Variants in NAALADL2 observed in about 807,000 individuals in gnomAD.
NAALADL2 encodes the protein inactive N-acetylated-alpha-linked acidic dipeptidase-like protein 2.
In NAALADL2, 76 loss-of-function variants were observed where a neutral mutation model predicts 87.2. The observed-to-expected ratio is 0.87, with a 90% CI of 0.72 to 1.05. The LOEUF (loss-of-function observed/expected upper bound fraction) is 1.05. Among genes scored for constraint, NAALADL2 ranks in the 50% least tolerant of loss-of-function variants. The pLI, the probability that NAALADL2 is intolerant of heterozygous loss-of-function variation, is 0.00. For synonymous variants in NAALADL2, 354 were observed against 331.0 expected (o/e 1.07, Z -0.75); for missense variants, 1,089 against 945.8 (o/e 1.15, Z -1.99).
intron 2 of NAALADL2, among the ~76,000 whole-genome samples, chr3:175,168,325 A>G (rs1382852380): frequency 6.6e-6 from 1 of 151,914 alleles, no homozygotes; most frequent in Non-Finnish European, 1.5e-5. Context: ...AAAATTTTAC[A>G]TATAGATAAC....
intron 1 of NAALADL2, among the ~76,000 whole-genome samples, chr3:175,007,676 T>G (rs1253565957): frequency 6.6e-6 from 1 of 152,190 alleles, no homozygotes; most frequent in East Asian, 1.9e-4. Context: ...CCCCAGTGGA[T>G]GCCTGAAACC....
intron 3 of NAALADL2, among the ~76,000 whole-genome samples, chr3:175,238,622 A>T (rs1054289351): frequency 2.0e-5 from 3 of 152,178 alleles, no homozygotes; most frequent in African/African-American, 7.2e-5. Flanking sequence ...ATAATTTTCA[A>T]AAGCAATTTC....
At chr3:174,902,957 A>ATTTATTTATTTATT (rs1414101174) in intron 1 of NAALADL2, among the ~76,000 whole-genome samples, 3 of 152,104 alleles carry the variant, frequency 2.0e-5, no homozygotes, top group Non-Finnish European at 2.9e-5. Context: ...GGAATAAATA[A>ATTTATTTATTTATT]ATAGTCTTAC....
At chr3:175,316,111 T>C (rs1230764326) in intron 4 of NAALADL2, among the ~76,000 whole-genome samples, 1 of 152,218 alleles carries the variant, frequency 6.6e-6, no homozygotes, top group African/African-American at 2.4e-5. Flanking sequence ...AGAAAAATTA[T>C]GTAAGTTGTC....
intron 13 of NAALADL2, among the ~76,000 whole-genome samples, chr3:175,786,791 C>G (rs943835420): frequency 2.0e-5 from 3 of 152,048 alleles, no homozygotes; most frequent in African/African-American, 7.3e-5. Context: ...AGGCGCTCTG[C>G]GTTTTAGAGT....
chr3:175,181,678 C>CATAT (rs140291952), intron 2 of NAALADL2, among the ~76,000 whole-genome samples: 1,758 of 51,966 alleles, frequency 0.034, 206 homozygotes, highest in Middle Eastern at 0.056. Flanking sequence ...ATTCCATTGG[C>CATAT]ATATATATAT....
intron 5 of NAALADL2, among the ~76,000 whole-genome samples, chr3:175,441,671 TCACACA>T (rs57990259): frequency 0.36 from 53,706 of 148,454 alleles, 11,095 homozygotes; most frequent in East Asian, 0.48. Flanking sequence ...GATCTCATGT[TCACACA>T]CACACACACA....
intron 1 of NAALADL2, among the ~76,000 whole-genome samples, chr3:175,009,972 G>T (rs1304079461): frequency 6.6e-6 from 1 of 152,020 alleles, no homozygotes; most frequent in Non-Finnish European, 1.5e-5. Context: ...TGCTTGCTAT[G>T]ATGTTTCTTG....
chr3:174,711,484 T>C (rs1313642450), intron 2 of NAALADL2, among the ~76,000 whole-genome samples: 1 of 152,234 alleles, frequency 6.6e-6, no homozygotes, highest in Non-Finnish European at 1.5e-5. Context: ...AGATTTTCTA[T>C]TTCCAGGAAA....
chr3:174,522,518 G>A (rs566690995), intron 1 of NAALADL2, among the ~76,000 whole-genome samples: 5 of 152,060 alleles, frequency 3.3e-5, no homozygotes, highest in Non-Finnish European at 7.4e-5. Flanking sequence ...AAATTACATG[G>A]GCATAGTGGT....
chr3:175,252,271 A>G (rs906997225), intron 3 of NAALADL2, among the ~76,000 whole-genome samples: 2 of 152,058 alleles, frequency 1.3e-5, no homozygotes, highest in African/African-American at 4.8e-5. Context: ...TCACATCTCT[A>G]TGTCACTTTT....
chr3:175,183,267 T>A (rs1309807412), intron 2 of NAALADL2, among the ~76,000 whole-genome samples: 1 of 151,848 alleles, frequency 6.6e-6, no homozygotes, highest in Non-Finnish European at 1.5e-5. Context: ...TTTGTAATTA[T>A]TGTAAATGGA....
intron 10 of NAALADL2, among the ~76,000 whole-genome samples, chr3:175,601,180 T>C (rs575985360): frequency 6.6e-6 from 1 of 152,210 alleles, no homozygotes; most frequent in Non-Finnish European, 1.5e-5. Flanking sequence ...GATGTTTACT[T>C]TGAAGCACAT....
intron 4 of NAALADL2, among the ~76,000 whole-genome samples, chr3:175,295,749 CCTCTCTCT>C (rs138960653): frequency 5.4e-5 from 7 of 128,708 alleles, no homozygotes; most frequent in African/African-American, 1.9e-4. Flanking sequence ...ACACACACTC[CCTCTCTCT>C]CTCTCTCAGC....
intron 3 of NAALADL2, among the ~76,000 whole-genome samples, chr3:174,790,963 T>A (rs977019367): frequency 6.6e-6 from 1 of 152,168 alleles, no homozygotes; most frequent in South Asian, 2.1e-4. Context: ...GTCTACATTT[T>A]GCGTTTTGGA....
intron 1 of NAALADL2, among the ~76,000 whole-genome samples, chr3:174,541,408 T>C (rs1298121960): frequency 6.6e-6 from 1 of 152,174 alleles, no homozygotes; most frequent in African/African-American, 2.4e-5. Flanking sequence ...GCTTGATATA[T>C]GCTAAAAGCA....
intron 11 of NAALADL2, among the ~76,000 whole-genome samples, chr3:175,689,130 A>T (rs962596737): frequency 2.0e-5 from 3 of 152,304 alleles, no homozygotes; most frequent in Non-Finnish European, 4.4e-5. Flanking sequence ...CAGGTAATTA[A>T]AGAAAAGTGA....
chr3:174,882,648 TATACACATATGTGC>T (rs1729454649), intron 1 of NAALADL2, among the ~76,000 whole-genome samples: 5 of 148,324 alleles, frequency 3.4e-5, no homozygotes, highest in Non-Finnish European at 7.5e-5. Flanking sequence ...CATATGTGCA[TATACACATATGTGC>T]ATATACACAT....
chr3:175,447,059 A>G (rs1245139682), intron 5 of NAALADL2, among the ~76,000 whole-genome samples, 170 bp from the exon 6 acceptor site: 2 of 152,214 alleles, frequency 1.3e-5, no homozygotes, highest in African/African-American at 4.8e-5. Flanking sequence ...TTTATGAGGT[A>G]TCTCAAATAA....
Sources: allele counts gnomAD v4.1 joint callset (sites outside exome capture counted in the v4.1 genomes callset), GRCh38; gene constraint gnomAD v4.1.1; transcripts MANE v1.5; gene names NCBI Gene and HGNC (gene_info 2026-07-23, HGNC 2026-07-21).